The following DCC variants were observed in gnomAD, a reference collection of about 807,000 sequenced individuals.
DCC encodes DCC netrin 1 receptor, also known as netrin receptor DCC.
In DCC, 58 loss-of-function variants were observed where a neutral mutation model predicts 172.5. That is an observed-to-expected ratio of 0.34 (90% CI 0.27 to 0.42). The LOEUF (loss-of-function observed/expected upper bound fraction) is 0.42. Ranked by LOEUF, DCC falls within the 10% of genes least tolerant of loss-of-function variation. The pLI is 1.00. For missense variants in DCC, 1,740 were observed against 1,791.0 expected (o/e 0.97, Z 0.51); for synonymous variants, 709 against 644.5 (o/e 1.10, Z -1.52).
intron 5 of DCC, among the ~76,000 whole-genome samples, chr18:52,962,623 A>G (rs1369467499): frequency 4.6e-5 from 7 of 152,066 alleles, no homozygotes; most frequent in African/African-American, 1.4e-4. Context: ...CCAAAGGACT[A>G]TAAATCATGC....
chr18:53,278,303 A>T (rs1409715335), intron 12 of DCC, among the ~76,000 whole-genome samples: 10 of 152,160 alleles, frequency 6.6e-5, no homozygotes, highest in African/African-American at 1.9e-4. Context: ...TATGGAAAGA[A>T]ATATTTTCTT....
intron 1 of DCC, among the ~76,000 whole-genome samples, chr18:52,353,213 GA>G (rs1275180470): frequency 2.0e-5 from 3 of 152,180 alleles, no homozygotes; most frequent in African/African-American, 7.2e-5. Context: ...TTTTCCTTGA[GA>G]TTACAAGCCC....
chr18:53,178,030 A>G (rs2055135519), intron 8 of DCC, among the ~76,000 whole-genome samples: 1 of 152,210 alleles, frequency 6.6e-6, no homozygotes, highest in African/African-American at 2.4e-5. Context: ...TTCCACTGAG[A>G]AGCAAGAGAT....
chr18:52,765,843 C>T (rs1599087671), intron 2 of DCC, among the ~76,000 whole-genome samples: 1 of 152,266 alleles, frequency 6.6e-6, no homozygotes, highest in Non-Finnish European at 1.5e-5. Flanking sequence ...AAACTTGGGA[C>T]AACCATGGAA....
chr18:52,832,961 A>T (rs1313520112), intron 2 of DCC, among the ~76,000 whole-genome samples: 1 of 152,084 alleles, frequency 6.6e-6, no homozygotes, highest in Non-Finnish European at 1.5e-5. Flanking sequence ...ATGTGGAACT[A>T]CTCTTAGATT....
intron 5 of DCC, among the ~76,000 whole-genome samples, chr18:52,938,497 C>T (rs981794712): frequency 6.6e-6 from 1 of 152,166 alleles, no homozygotes; most frequent in African/African-American, 2.4e-5. Flanking sequence ...GCTAAAAATA[C>T]TACAGACTTT....
At chr18:52,816,789 A>T (rs1273317704) in intron 2 of DCC, 1 of 152,210 alleles carries the variant, frequency 6.6e-6, no homozygotes, top group Non-Finnish European at 1.5e-5. Flanking sequence ...CACCAGGAAA[A>T]GCATCTTTTA....
chr18:53,452,688 A>G (rs1463481436), intron 23 of DCC, among the ~76,000 whole-genome samples: 1 of 152,198 alleles, frequency 6.6e-6, no homozygotes, highest in East Asian at 1.9e-4. Context: ...AAAATCCAAG[A>G]ACAGTTAGTT....
intron 2 of DCC, among the ~76,000 whole-genome samples, chr18:52,897,320 C>T (rs2039746235): frequency 6.6e-6 from 1 of 152,210 alleles, no homozygotes; most frequent in Admixed American, 6.5e-5. Context: ...TTGTGTGCTG[C>T]TAAGCTTGCA....
intron 12 of DCC, chr18:53,237,290 A>T (rs1009283719): frequency 1.3e-5 from 2 of 153,766 alleles, no homozygotes; most frequent in African/African-American, 4.8e-5. Context: ...TAAAATAGAA[A>T]AAAAGGCTAA....
At chr18:52,360,914 G>A (rs1034264521) in intron 1 of DCC, among the ~76,000 whole-genome samples, 5 of 152,198 alleles carry the variant, frequency 3.3e-5, no homozygotes, top group Admixed American at 6.5e-5. Context: ...GATTGGAGGT[G>A]TGTAAGTGGA....
chr18:52,975,476 C>T (rs1044563585), intron 5 of DCC, among the ~76,000 whole-genome samples: 1 of 151,952 alleles, frequency 6.6e-6, no homozygotes, highest in African/African-American at 2.4e-5. Flanking sequence ...AGACTGATAC[C>T]CATTAGTTGC....
intron 1 of DCC, among the ~76,000 whole-genome samples, chr18:52,715,600 C>T (rs902380519): frequency 2.2e-4 from 33 of 152,132 alleles, no homozygotes; most frequent in Admixed American, 1.6e-3. Flanking sequence ...CCACCACGCC[C>T]GGCCAGCACT....
intron 1 of DCC, among the ~76,000 whole-genome samples, chr18:52,431,324 A>G (rs950083640): frequency 1.3e-5 from 2 of 152,146 alleles, no homozygotes; most frequent in African/African-American, 4.8e-5. Context: ...TAAAGAAAGA[A>G]GAGAACATTT....
At chr18:53,491,822 A>G (rs2045962687) in intron 26 of DCC, among the ~76,000 whole-genome samples, 1 of 151,876 alleles carries the variant, frequency 6.6e-6, no homozygotes, top group African/African-American at 2.4e-5. Context: ...AATGATTTAT[A>G]ATCCTTTGGG....
chr18:52,392,351 A>G (rs2144352171), intron 1 of DCC, among the ~76,000 whole-genome samples: 1 of 152,162 alleles, frequency 6.6e-6, no homozygotes, highest in South Asian at 2.1e-4. Flanking sequence ...CAAAAAGGCA[A>G]CTCAACCAAT....
intron 1 of DCC, among the ~76,000 whole-genome samples, chr18:52,664,281 C>T (rs1157451899): frequency 6.6e-6 from 1 of 151,924 alleles, no homozygotes; most frequent in Non-Finnish European, 1.5e-5. Flanking sequence ...GTGTTGTGGG[C>T]CTGAGAAGAT....
chr18:52,515,623 A>AAAAAAAAAAAAAAAAAC, intron 1 of DCC, among the ~76,000 whole-genome samples: 1 of 141,906 alleles, frequency 7.0e-6, no homozygotes, highest in Non-Finnish European at 1.5e-5. Context: ...AAAAAAAAAA[A>AAAAAAAAAAAAAAAAAC]AAATCATACA....
chr18:52,868,540 G>C (rs999598646), intron 2 of DCC, among the ~76,000 whole-genome samples: 9 of 152,190 alleles, frequency 5.9e-5, no homozygotes, highest in African/African-American at 2.2e-4. Flanking sequence ...TCTAGCACAG[G>C]GTGGCTGTCT....
Sources: allele counts gnomAD v4.1 joint callset (sites outside exome capture counted in the v4.1 genomes callset), GRCh38; gene constraint gnomAD v4.1.1; transcripts MANE v1.5; gene names NCBI Gene and HGNC (gene_info 2026-07-23, HGNC 2026-07-21).